GALNTL6: variants seen among roughly 807,000 people sequenced by gnomAD.
The protein encoded by GALNTL6 is polypeptide N-acetylgalactosaminyltransferase like 6.
GALNTL6 carries 46 observed loss-of-function variants against 73.7 expected under a neutral mutation model. The ratio of observed to expected loss-of-function variants is 0.62; its 90% CI spans 0.49 to 0.80. GALNTL6 has a LOEUF of 0.80. Ranked by LOEUF, GALNTL6 falls within the 30% of genes least tolerant of loss-of-function variation. GALNTL6 has a pLI of 0.00. For synonymous variants in GALNTL6, 259 were observed against 263.7 expected, an observed-to-expected ratio of 0.98 and a Z score of 0.17; for missense variants, 604 against 755.0, an observed-to-expected ratio of 0.80 and a Z score of 2.34.
In GALNTL6 at chr4:172,922,786, T is replaced by C. The variant is rs554493585; in HGVS notation, c.1042-8375T>C. Among the ~76,000 whole-genome samples, 8 of 152,294 alleles carry C rather than the reference T, an allele frequency of 5.3e-5. No homozygotes were observed. In the South Asian group the frequency reaches 6.2e-4, roughly 12 times the overall value. The stretch of plus-strand genomic sequence containing the variant: ...CCTTCAACAGTAGCTGGAGATATAA[T>C]AGTGAAAAAGAAAGTCATGGAATTT... On this transcript the variant is annotated intron_variant, in intron 8 of 12. Coordinates refer to ENST00000506823, the MANE Select transcript of GALNTL6 (RefSeq NM_001034845.3).
At chr4:172,582,747 GACACACAC>G (rs35246163) in intron 5 of GALNTL6, among the ~76,000 whole-genome samples, 26 of 142,838 alleles carry the variant, frequency 1.8e-4, no homozygotes, top group Admixed American at 4.2e-4. Flanking sequence ...CACACACACA[GACACACAC>G]ACACACACAC....
At chr4:172,920,512 AT>A (rs1747738373) in intron 8 of GALNTL6, among the ~76,000 whole-genome samples, 2 of 152,158 alleles carry the variant, frequency 1.3e-5, no homozygotes, top group Non-Finnish European at 2.9e-5. Flanking sequence ...AGTCTTAAGA[AT>A]TTTTTCAACC....
At chr4:172,853,408 A>G (rs1212807158) in intron 7 of GALNTL6, among the ~76,000 whole-genome samples, 6 of 152,182 alleles carry the variant, frequency 3.9e-5, no homozygotes, top group Non-Finnish European at 7.4e-5. Context: ...TGTACCTCCT[A>G]TCAACATCAC....
At chr4:172,769,991 C>T (rs998354255) in intron 5 of GALNTL6, among the ~76,000 whole-genome samples, 2 of 152,028 alleles carry the variant, frequency 1.3e-5, no homozygotes, top group Admixed American at 1.3e-4. Context: ...TAGCTGGGCG[C>T]GGTGGCTCAC....
intron 2 of GALNTL6, among the ~76,000 whole-genome samples, chr4:172,009,194 C>T (rs919526265): frequency 9.2e-5 from 14 of 151,860 alleles, no homozygotes; most frequent in African/African-American, 3.1e-4. Context: ...ATTATTATGC[C>T]CATTTTACAG....
At chr4:173,004,452 C>T (rs1365580376) in intron 10 of GALNTL6, among the ~76,000 whole-genome samples, 1 of 152,112 alleles carries the variant, frequency 6.6e-6, no homozygotes, top group East Asian at 1.9e-4. Context: ...CATGATGAAA[C>T]CGCATCTCTA....
At position 171,816,756 on chromosome 4, in the gene GALNTL6, T is replaced by C. The variant is rs1266965729; in HGVS notation, c.138+2038T>C. Among the ~76,000 whole-genome samples, 4 of 151,986 alleles carry C rather than the reference T, an allele frequency of 2.6e-5. No homozygotes were observed. In the East Asian group the frequency reaches 7.7e-4, roughly 29 times the overall value. Reference sequence around the variant, plus strand: ...ATGAAAAATATAATTCACTGTAAAATAGAAACAGTTCATTTTCATTGGTTT... The same window carrying C: ...ATGAAAAATATAATTCACTGTAAAACAGAAACAGTTCATTTTCATTGGTTT... On this transcript the variant is annotated intron_variant, in intron 2 of 12. Transcript: ENST00000506823.
At chr4:171,862,147 A>T (rs1275549561) in intron 2 of GALNTL6, among the ~76,000 whole-genome samples, 1 of 152,188 alleles carries the variant, frequency 6.6e-6, no homozygotes, top group Non-Finnish European at 1.5e-5. Flanking sequence ...GTTCTATACT[A>T]TGGCAATTTA....
intron 5 of GALNTL6, among the ~76,000 whole-genome samples, chr4:172,655,864 C>T (rs917300690): frequency 2.6e-5 from 4 of 151,906 alleles, no homozygotes; most frequent in South Asian, 2.1e-4. Context: ...GTGAAATAAT[C>T]GCAAGTACCT....
chr4:171,987,774 C>A (rs1740150095), intron 2 of GALNTL6, among the ~76,000 whole-genome samples: 1 of 151,974 alleles, frequency 6.6e-6, no homozygotes, highest in Non-Finnish European at 1.5e-5. Flanking sequence ...CCTGGTGGAA[C>A]CACCATCAAT....
At chr4:172,869,138 G>A (rs73870305) in intron 7 of GALNTL6, among the ~76,000 whole-genome samples, 1 of 152,134 alleles carries the variant, frequency 6.6e-6, no homozygotes, top group Admixed American at 6.6e-5. Flanking sequence ...AAAGCAGAAA[G>A]TGTGGGTGGA....
At chr4:172,921,154 CAGA>C (rs1640784079) in intron 8 of GALNTL6, among the ~76,000 whole-genome samples, 2 of 152,052 alleles carry the variant, frequency 1.3e-5, no homozygotes, top group African/African-American at 4.8e-5. Flanking sequence ...ATAGCTTGGG[CAGA>C]AGGAGGGAAG....
chr4:172,070,393 C>CA (rs1731510568), intron 2 of GALNTL6, among the ~76,000 whole-genome samples: 2 of 110,418 alleles, frequency 1.8e-5, no homozygotes, highest in South Asian at 5.3e-4. Flanking sequence ...AAGGTGTTGG[C>CA]AACTTCATCC....
intron 5 of GALNTL6, among the ~76,000 whole-genome samples, chr4:172,392,930 C>T (rs1579028911): frequency 6.6e-6 from 1 of 152,140 alleles, no homozygotes; most frequent in Non-Finnish European, 1.5e-5. Context: ...ACGTGAGTGG[C>T]GGGCCAGCAA....
intron 5 of GALNTL6, among the ~76,000 whole-genome samples, chr4:172,430,355 A>C (rs1364366421): frequency 6.6e-6 from 1 of 152,086 alleles, no homozygotes; most frequent in Non-Finnish European, 1.5e-5. Context: ...AGATGTGGGA[A>C]TTCACCTAGC....
chr4:172,841,287 G>C (rs191553664), intron 7 of GALNTL6, among the ~76,000 whole-genome samples: 1 of 152,232 alleles, frequency 6.6e-6, no homozygotes, highest in Non-Finnish European at 1.5e-5. Context: ...CCTGTGTCAG[G>C]CACTATTTCA....
At chr4:171,836,844 A>T (rs1470617299) in intron 2 of GALNTL6, among the ~76,000 whole-genome samples, 1 of 152,178 alleles carries the variant, frequency 6.6e-6, no homozygotes, top group Non-Finnish European at 1.5e-5. Context: ...AAGGAAGCTA[A>T]GTTTCTCTTC....
intron 12 of GALNTL6, among the ~76,000 whole-genome samples, chr4:173,038,218 CGTGTAGCTTCACTATTG>C (rs1753771180): frequency 6.6e-6 from 1 of 152,148 alleles, no homozygotes; most frequent in Admixed American, 6.5e-5. Context: ...GTATTAGATC[CGTGTAGCTTCACTATTG>C]GTTGGGGCTG....
At chr4:172,388,580 A>G (rs1347396087) in intron 5 of GALNTL6, among the ~76,000 whole-genome samples, 1 of 152,112 alleles carries the variant, frequency 6.6e-6, no homozygotes, top group Non-Finnish European at 1.5e-5. Flanking sequence ...TGAAACCTAG[A>G]TTATTTCACT....
Sources: allele counts gnomAD v4.1 joint callset (sites outside exome capture counted in the v4.1 genomes callset), GRCh38; gene constraint gnomAD v4.1.1; transcripts MANE v1.5; gene names NCBI Gene and HGNC (gene_info 2026-07-23, HGNC 2026-07-21).